LYST: variants seen among roughly 807,000 people sequenced by gnomAD.
LYST encodes the protein lysosomal trafficking regulator.
Under a neutral mutation model 413.6 loss-of-function variants are expected in LYST, and 192 were observed. That is an observed-to-expected ratio of 0.46 (90% CI 0.41 to 0.52). The LOEUF (loss-of-function observed/expected upper bound fraction) is 0.52. LYST is among the 20% of genes least tolerant of loss of function. LYST has a pLI of 0.00. For synonymous variants in LYST, 1,525 were observed against 1,567.3 expected (o/e 0.97, Z 0.64); for missense variants, 3,815 against 4,499.9 (o/e 0.85, Z 4.35).
At chr1:235,869,617 G>A (rs1680842649), upstream of LYST, among the ~76,000 whole-genome samples, 3 of 152,170 alleles carry the variant, frequency 2.0e-5, no homozygotes, top group Admixed American at 2.0e-4. Context: ...AAACAACACA[G>A]TCAACGTAAA....
In LYST at chr1:235,852,190, G is replaced by A. The variant is rs926125779; in HGVS notation, c.-98+14653C>T. ...ATTGGGACAGCTTCAGGAAGGAAAT[G>A]CTGTTAAGGCTTTTAACTACAGACC... On this transcript the variant is annotated intron_variant, in intron 1 of 52. Transcript: ENST00000389793. 2.6e-5 allele frequency among the ~76,000 whole-genome samples: 4 copies of A among 152,238 alleles called. No individual in the cohort carries two copies. In the Middle Eastern group the frequency reaches 0.01, roughly 388 times the overall value.
intron 12 of LYST, chr1:235,791,489 CT>C (rs1670985563): frequency 5.6e-6 from 3 of 539,440 alleles, no homozygotes; most frequent in Non-Finnish European, 1.0e-5. Context: ...CCCTTCACCC[CT>C]ATAAAAAACT....
intron 41 of LYST, 62 bp from the exon 42 acceptor site, chr1:235,715,419 T>G (rs1417047721): frequency 2.0e-6 from 3 of 1,535,758 alleles, no homozygotes; most frequent in Non-Finnish European, 2.7e-6. Context: ...GCTAGAAAAG[T>G]GCTGGATGTT....
At position 235,830,459 on chromosome 1, in the gene LYST, G is replaced by C. The variant is rs374859516; in HGVS notation, c.-7-35C>G. On this transcript the variant is annotated intron_variant, in intron 2 of 52. Coordinates refer to ENST00000389793, the MANE Select transcript of LYST (RefSeq NM_000081.4). ...AAGTATTACAAAAAAAAAAGATTAG[G>C]AAAACAAATACAAATTTACTTTTAA... is the stretch of plus-strand genomic sequence containing the variant. 90 of 1,448,500 alleles carry C rather than the reference G, an allele frequency of 6.2e-5. No homozygotes were observed. The African/African-American group carries it at 1.2e-3, about 19-fold the overall frequency. The allele number at this position is 1,448,500 out of a possible 1,614,324, so 89.7% of individuals were successfully genotyped here. A position where few individuals can be genotyped will look rare whatever the true frequency, so the allele number is the denominator to read the frequency against.
intron 31 of LYST, chr1:235,737,491 T>C (rs773809548): frequency 6.6e-6 from 1 of 152,188 alleles, no homozygotes; most frequent in Non-Finnish European, 1.5e-5. Flanking sequence ...CTAAATACTA[T>C]CATCTCCTTA....
intron 42 of LYST, 126 bp from the exon 43 acceptor site, chr1:235,712,323 T>A: frequency 4.2e-6 from 3 of 712,492 alleles, no homozygotes; most frequent in Non-Finnish European, 6.9e-6. Context: ...TTGCCCATAG[T>A]TTAAAAGAAG....
At chr1:235,799,459 A>G (rs1398483293) in intron 10 of LYST, among the ~76,000 whole-genome samples, 2 of 152,218 alleles carry the variant, frequency 1.3e-5, no homozygotes, top group Admixed American at 6.5e-5. Flanking sequence ...AGTAAGATCC[A>G]GATATCATAA....
chr1:235,717,610 T>A (rs1662959648), intron 40 of LYST, among the ~76,000 whole-genome samples: 1 of 152,198 alleles, frequency 6.6e-6, no homozygotes, highest in Non-Finnish European at 1.5e-5. Context: ...TGGGACCACC[T>A]GGATTTCAAC....
At chr1:235,784,055 T>G (rs1670152883) in intron 14 of LYST, among the ~76,000 whole-genome samples, 1 of 152,050 alleles carries the variant, frequency 6.6e-6, no homozygotes, top group African/African-American at 2.4e-5. Flanking sequence ...AATTTTTTTA[T>G]TTTTAGTGGA....
At chr1:235,761,435 G>A (rs1053470328) in intron 22 of LYST, among the ~76,000 whole-genome samples, 4 of 152,172 alleles carry the variant, frequency 2.6e-5, no homozygotes, top group African/African-American at 4.8e-5. Flanking sequence ...ATAAAGTAGC[G>A]ATGAGACTCT....
At chr1:235,745,978 C>A (rs572055251) in intron 29 of LYST, among the ~76,000 whole-genome samples, 5 of 152,200 alleles carry the variant, frequency 3.3e-5, no homozygotes, top group African/African-American at 1.2e-4. Flanking sequence ...TGTTACTCAC[C>A]TGGTGATGAT....
At chr1:235,757,145 A>T (rs1667120377) in intron 24 of LYST, 136 bp downstream of exon 24, 1 of 608,988 alleles carries the variant, frequency 1.6e-6, no homozygotes, top group Admixed American at 3.3e-5. Context: ...GTATTAAGTA[A>T]CAAACTATAT....
intron 20 of LYST, among the ~76,000 whole-genome samples, chr1:235,768,869 A>G (rs992957954): frequency 5.3e-5 from 8 of 152,102 alleles, no homozygotes; most frequent in African/African-American, 1.9e-4. Context: ...GGATCAATCG[A>G]CATATTCTAT....
At chr1:235,715,450 C>T in intron 41 of LYST, 93 bp from the exon 42 acceptor site, 3 of 1,235,188 alleles carry the variant, frequency 2.4e-6, no homozygotes, top group East Asian at 2.5e-5. Context: ...TCCTTCTCTA[C>T]TACCCCTTTG....
intron 49 of LYST, 55 bp from the exon 50 acceptor site, chr1:235,677,243 C>A: frequency 7.4e-7 from 1 of 1,352,222 alleles, no homozygotes; most frequent in South Asian, 1.2e-5. Context: ...ATTACATTCT[C>A]TTATTTTGTA....
Position 235,686,885 on chromosome 1 carries a change from A to C in LYST, c.10800+64T>G. 8.5e-7 allele frequency: 1 copy of C among 1,174,710 alleles called. No individual in the cohort carries two copies. The highest frequency in any genetic ancestry group is 1.3e-6 in the Non-Finnish European group (1 of 779,022). 72.8% of individuals were successfully genotyped at this position (1,174,710 alleles called of 1,614,324 possible). On this transcript the variant is annotated intron_variant, in intron 48 of 52. Coordinates refer to ENST00000389793, the MANE Select transcript of LYST (RefSeq NM_000081.4). The surrounding 1 kb of genome is among the most constrained non-coding windows in gnomAD (Gnocchi z 4.0). ...TCTTATGCAAAGTGAATTATACTTCATAAAGGCTTTCTTCCCCTCATTGAC... is the reference window on the plus strand; with the variant it reads ...TCTTATGCAAAGTGAATTATACTTCCTAAAGGCTTTCTTCCCCTCATTGAC...
At position 235,758,734 on chromosome 1, in the gene LYST, A is replaced by G. The variant is rs960694848; in HGVS notation, c.6881+238T>C. Among the ~76,000 whole-genome samples, 5 of 152,136 alleles carry G rather than the reference A, an allele frequency of 3.3e-5. No individual in the cohort carries two copies. In the East Asian group the frequency reaches 9.6e-4, roughly 29 times the overall value. ...ACTATAAGGAATTAAACCACAATAT[A>G]TATTTTTTAAGTGCTACTTATGGTT... On this transcript the variant is annotated intron_variant, in intron 23 of 52. Transcript: ENST00000389793.
At chr1:235,731,648 T>G (rs537145124) in intron 34 of LYST, among the ~76,000 whole-genome samples, 6 of 150,168 alleles carry the variant, frequency 4.0e-5, no homozygotes, top group Middle Eastern at 6.9e-3. Flanking sequence ...AATTTCTGCC[T>G]CCCGGGCTCA....
At chr1:235,839,296 G>A (rs983789695) in intron 1 of LYST, among the ~76,000 whole-genome samples, 1 of 149,662 alleles carries the variant, frequency 6.7e-6, no homozygotes, top group Non-Finnish European at 1.5e-5. Context: ...TCGCTCTGTC[G>A]CCCAGGATGG....
Sources: gnomAD v4.1 joint callset for allele counts (sites outside exome capture counted in the v4.1 genomes callset) on GRCh38, gnomAD v4.1.1 for gene constraint, Gnocchi (gnomAD v3.1) non-coding constraint, MANE v1.5 for transcripts, NCBI Gene and HGNC (gene_info 2026-07-23, HGNC 2026-07-21) for gene names.